Variants in RBMS3 observed in about 807,000 individuals in gnomAD.
The protein encoded by RBMS3 is RNA binding motif single stranded interacting protein 3.
In RBMS3, 27 loss-of-function variants were observed where a neutral mutation model predicts 66.8. That is an observed-to-expected ratio of 0.40 (90% CI 0.30 to 0.56). The LOEUF (loss-of-function observed/expected upper bound fraction) is 0.56. Among genes scored for constraint, RBMS3 ranks in the 20% least tolerant of loss-of-function variants. RBMS3 has a pLI of 0.40. For synonymous variants in RBMS3, 188 were observed against 183.0 expected, an observed-to-expected ratio of 1.03 and a Z score of -0.22; for missense variants, 513 against 549.5, an observed-to-expected ratio of 0.93 and a Z score of 0.66.
intron 6 of RBMS3, among the ~76,000 whole-genome samples, chr3:29,840,223 A>C (rs997022568): frequency 6.6e-6 from 1 of 152,030 alleles, no homozygotes; most frequent in Non-Finnish European, 1.5e-5. Context: ...AACACCAAAA[A>C]CTTTTTGTTT....
Position 29,286,381 on chromosome 3 carries a change from T to G in RBMS3, c.75+4625T>G, listed in dbSNP as rs541111633. Among the ~76,000 whole-genome samples, 5 of 152,192 alleles carry G rather than the reference T, an allele frequency of 3.3e-5. No individual in the cohort carries two copies. In the South Asian group the frequency reaches 1.0e-3, roughly 31 times the overall value. ...TGCATGTTTTGCTATTTTTTTTCCA[T>G]GATATAGACATTGTTTTTGCAACAC... On this transcript the variant is annotated intron_variant, in intron 1 of 14. Transcript: ENST00000383767.
chr3:29,395,340 G>C (rs951896148), intron 1 of RBMS3, among the ~76,000 whole-genome samples: 2 of 152,180 alleles, frequency 1.3e-5, no homozygotes, highest in East Asian at 3.9e-4. Flanking sequence ...TGTGTTTTAT[G>C]TATGTATTTG....
intron 5 of RBMS3, among the ~76,000 whole-genome samples, chr3:29,752,436 T>C (rs76811606): frequency 0.011 from 1,677 of 152,286 alleles, 37 homozygotes; most frequent in African/African-American, 0.039. Context: ...GTTTTGGGCT[T>C]GAGGGTGGAG....
intron 3 of RBMS3, among the ~76,000 whole-genome samples, chr3:29,554,133 A>G (rs2046267362): frequency 6.6e-6 from 1 of 152,338 alleles, no homozygotes; most frequent in East Asian, 1.9e-4. Context: ...TAGTATGCTA[A>G]TGTACCTTAT....
At chr3:29,437,245 AT>A (rs1487509620) in intron 2 of RBMS3, among the ~76,000 whole-genome samples, 1 of 152,196 alleles carries the variant, frequency 6.6e-6, no homozygotes, top group African/African-American at 2.4e-5. Flanking sequence ...TTAAAATTTT[AT>A]TTTATTGAAA....
intron 1 of RBMS3, among the ~76,000 whole-genome samples, chr3:29,355,191 C>G (rs979633867): frequency 6.6e-6 from 1 of 152,050 alleles, no homozygotes; most frequent in African/African-American, 2.4e-5. Flanking sequence ...TCTTGCCTGT[C>G]TTTCTATCTT....
intron 3 of RBMS3, among the ~76,000 whole-genome samples, chr3:29,502,411 T>C (rs2044008984): frequency 1.3e-5 from 2 of 152,050 alleles, no homozygotes; most frequent in Admixed American, 6.6e-5. Context: ...TAAGTAAGAC[T>C]AGAAGTAAAT....
chr3:29,570,010 A>G (rs1057121046), intron 3 of RBMS3, among the ~76,000 whole-genome samples: 5 of 152,168 alleles, frequency 3.3e-5, no homozygotes, highest in African/African-American at 9.6e-5. Context: ...TTAAAATTGT[A>G]TGTATAATCT....
intron 1 of RBMS3, among the ~76,000 whole-genome samples, chr3:29,400,746 G>A (rs1412934929): frequency 1.3e-5 from 2 of 151,990 alleles, no homozygotes; most frequent in African/African-American, 2.4e-5. Context: ...ATCATATTTG[G>A]TTAGCCAAAT....
chr3:29,765,214 C>T (rs373990926), intron 6 of RBMS3, among the ~76,000 whole-genome samples: 35 of 152,022 alleles, frequency 2.3e-4, no homozygotes, highest in East Asian at 1.9e-3. Flanking sequence ...ATTACTAAGT[C>T]ATAACAGGTA....
At chr3:29,699,792 T>G (rs916825393) in intron 4 of RBMS3, among the ~76,000 whole-genome samples, 6 of 152,196 alleles carry the variant, frequency 3.9e-5, no homozygotes, top group South Asian at 2.1e-4. Context: ...ATATACTGAT[T>G]TGTACACTAA....
chr3:29,720,991 G>A (rs919108409), intron 4 of RBMS3, among the ~76,000 whole-genome samples: 5 of 152,086 alleles, frequency 3.3e-5, no homozygotes, highest in Non-Finnish European at 5.9e-5. Context: ...AAAAGTAGTG[G>A]AAGAATCTGA....
chr3:29,809,338 G>GAAAA (rs5847597), intron 6 of RBMS3, among the ~76,000 whole-genome samples: 1 of 146,344 alleles, frequency 6.8e-6, no homozygotes. Flanking sequence ...TGATCAGTGG[G>GAAAA]AAAAAAAAAA....
At chr3:29,325,639 T>G (rs1428360147) in intron 1 of RBMS3, among the ~76,000 whole-genome samples, 2 of 65,704 alleles carry the variant, frequency 3.0e-5, no homozygotes, top group Non-Finnish European at 5.9e-5. Context: ...TGTATATATA[T>G]ACACATACAC....
At chr3:29,467,352 A>G (rs991304988) in intron 2 of RBMS3, among the ~76,000 whole-genome samples, 6 of 152,182 alleles carry the variant, frequency 3.9e-5, no homozygotes, top group African/African-American at 1.4e-4. Context: ...CTCTTAACAC[A>G]AAATTAATTT....
chr3:29,939,601 G>T (rs1190669990), intron 11 of RBMS3, among the ~76,000 whole-genome samples: 1 of 151,790 alleles, frequency 6.6e-6, no homozygotes, highest in Admixed American at 6.6e-5. Flanking sequence ...GGTCCAGTTT[G>T]TCCCAAGAAC....
intron 2 of RBMS3, among the ~76,000 whole-genome samples, chr3:29,461,198 G>A (rs2042356730): frequency 6.6e-6 from 1 of 151,866 alleles, no homozygotes; most frequent in Admixed American, 6.6e-5. Context: ...ATCATCCAAG[G>A]GCTGCTTTTG....
intron 1 of RBMS3, among the ~76,000 whole-genome samples, chr3:29,329,907 A>C (rs2035557047): frequency 6.8e-6 from 1 of 147,848 alleles, no homozygotes. Flanking sequence ...TATATATATT[A>C]ATATAACTAT....
chr3:29,475,692 G>A (rs1025157412), intron 2 of RBMS3, among the ~76,000 whole-genome samples: 2 of 152,068 alleles, frequency 1.3e-5, no homozygotes, highest in Non-Finnish European at 2.9e-5. Flanking sequence ...AAAGCACGGG[G>A]TATCTCCTAA....
Sources: allele counts gnomAD v4.1 joint callset (sites outside exome capture counted in the v4.1 genomes callset), GRCh38; gene constraint gnomAD v4.1.1; transcripts MANE v1.5; gene names NCBI Gene and HGNC (gene_info 2026-07-23, HGNC 2026-07-21).